Variants in MAP3K5 observed in about 807,000 individuals in gnomAD.
MAP3K5 encodes the protein mitogen-activated protein kinase kinase kinase 5.
In MAP3K5, 56 loss-of-function variants were observed where a neutral mutation model predicts 158.7. The observed-to-expected ratio is 0.35, with a 90% CI of 0.28 to 0.44. The LOEUF is 0.44. MAP3K5 is among the 20% of genes least tolerant of loss of function. MAP3K5 has a pLI of 1.00. For missense variants in MAP3K5, 1,294 were observed against 1,674.8 expected, an observed-to-expected ratio of 0.77 and a Z score of 3.97; for synonymous variants, 579 against 601.7, an observed-to-expected ratio of 0.96 and a Z score of 0.55.
intron 1 of MAP3K5, among the ~76,000 whole-genome samples, chr6:136,727,581 T>C (rs936388777): frequency 2.6e-5 from 4 of 152,236 alleles, no homozygotes; most frequent in Non-Finnish European, 5.9e-5. Context: ...AGTCTTATTG[T>C]ATATTTCATG....
chr6:136,658,658 GTTTCCACCTCTC>G (rs1778873190), intron 9 of MAP3K5, among the ~76,000 whole-genome samples: 1 of 152,076 alleles, frequency 6.6e-6, no homozygotes, highest in African/African-American at 2.4e-5. Flanking sequence ...ATGGAATTTT[GTTTCCACCTCTC>G]CAATTACCAC....
chr6:136,600,960 CTG>C, intron 21 of MAP3K5, 60 bp downstream of exon 21: 2 of 1,568,092 alleles, frequency 1.3e-6, no homozygotes, highest in Non-Finnish European at 1.8e-6. Flanking sequence ...GATGGGAAGT[CTG>C]GAGTTTATCA....
chr6:136,604,545 A>G (rs1406378380), intron 19 of MAP3K5, among the ~76,000 whole-genome samples: 1 of 152,010 alleles, frequency 6.6e-6, no homozygotes, highest in East Asian at 1.9e-4. Flanking sequence ...GCAGCGGAGG[A>G]CTGCAGGGAT....
intron 1 of MAP3K5, among the ~76,000 whole-genome samples, chr6:136,725,544 T>C (rs1055552133): frequency 1.3e-5 from 2 of 152,250 alleles, no homozygotes; most frequent in Non-Finnish European, 2.9e-5. Context: ...TAAAAATTAT[T>C]GTTGAGTTTG....
At chr6:136,691,279 T>C (rs903891212) in intron 7 of MAP3K5, among the ~76,000 whole-genome samples, 2 of 152,144 alleles carry the variant, frequency 1.3e-5, no homozygotes, top group Non-Finnish European at 2.9e-5. Context: ...CCTGCAACAG[T>C]ATATCTCTCC....
intron 1 of MAP3K5, among the ~76,000 whole-genome samples, chr6:136,782,545 C>A (rs545651508): frequency 7.2e-5 from 11 of 152,182 alleles, no homozygotes; most frequent in African/African-American, 2.6e-4. Context: ...TGGAGATTGC[C>A]AGTACAAAGG....
At chr6:136,598,839 T>C (rs1775746497) in intron 21 of MAP3K5, among the ~76,000 whole-genome samples, 1 of 152,134 alleles carries the variant, frequency 6.6e-6, no homozygotes, top group Non-Finnish European at 1.5e-5. Context: ...TTGTTTCAAT[T>C]GACATGAGGC....
At chr6:136,727,438 A>G (rs896917835) in intron 1 of MAP3K5, among the ~76,000 whole-genome samples, 1 of 152,168 alleles carries the variant, frequency 6.6e-6, no homozygotes, top group African/African-American at 2.4e-5. Context: ...ATTCAAACCC[A>G]AGCAATCCAG....
chr6:136,780,059 T>C (rs931776074), intron 1 of MAP3K5, among the ~76,000 whole-genome samples: 3 of 152,154 alleles, frequency 2.0e-5, no homozygotes, highest in African/African-American at 7.2e-5. Context: ...TGTCAAAGAC[T>C]TGGAAAAGGT....
chr6:136,709,112 A>C (rs17710372), intron 2 of MAP3K5, among the ~76,000 whole-genome samples: 64,887 of 151,960 alleles, frequency 0.43, 15,013 homozygotes, highest in Non-Finnish European at 0.52. Context: ...TACATTGCAC[A>C]TTTTTGTTCC....
At chr6:136,576,667 C>A (rs1272594041) in intron 25 of MAP3K5, among the ~76,000 whole-genome samples, 1 of 152,066 alleles carries the variant, frequency 6.6e-6, no homozygotes, top group East Asian at 1.9e-4. Flanking sequence ...TCCAAGGAAA[C>A]CCAATTCCTT....
intron 1 of MAP3K5, among the ~76,000 whole-genome samples, chr6:136,775,024 G>T (rs1456259197): frequency 6.6e-6 from 1 of 152,078 alleles, no homozygotes; most frequent in Non-Finnish European, 1.5e-5. Context: ...AGCATGATTT[G>T]AATACTGAAT....
intron 1 of MAP3K5, among the ~76,000 whole-genome samples, chr6:136,752,480 T>C (rs574016903): frequency 6.6e-5 from 10 of 152,176 alleles, no homozygotes; most frequent in Non-Finnish European, 1.3e-4. Flanking sequence ...GGCGTGATCT[T>C]GGCTCACTGC....
intron 14 of MAP3K5, among the ~76,000 whole-genome samples, chr6:136,633,425 G>GTATA (rs139665870): frequency 1.2e-3 from 175 of 147,364 alleles, no homozygotes; most frequent in African/African-American, 2.0e-3. Context: ...ATAAATATAT[G>GTATA]TATATATATA....
intron 2 of MAP3K5, among the ~76,000 whole-genome samples, chr6:136,706,098 C>A (rs1443475724): frequency 2.0e-5 from 3 of 151,914 alleles, no homozygotes; most frequent in African/African-American, 7.3e-5. Context: ...TCTCTACTAA[C>A]AATACAAAAA....
chr6:136,792,047 C>A lies in MAP3K5; in HGVS notation c.111G>T (p.Ala37=), dbSNP rs1333437631. The A allele has an allele frequency of 1.3e-6, 2 of 1,546,262 alleles. No homozygotes were observed. The highest frequency in any genetic ancestry group is 8.7e-7 in the Non-Finnish European group (1 of 1,154,328). The change falls in exon 1 of 30, where the codon GCG becomes GCT. Residue 37 remains alanine, a synonymous_variant. Coordinates refer to ENST00000359015, the MANE Select transcript of MAP3K5 (RefSeq NM_005923.4). This position sits in a 1 kb window ranked among gnomAD's most constrained non-coding sequence, Gnocchi z 5.7. The part of the protein sequence containing the change: ...GGICRRGGAA[A]VGEGEEHQLP... ...GCTGGTGCTCCTCGCCCTCGCCCAC[C>A]GCCGCCGCTCCTCCCCTCCTGCAGA...
At chr6:136,644,180 A>C (rs963221417) in intron 11 of MAP3K5, among the ~76,000 whole-genome samples, 3 of 152,166 alleles carry the variant, frequency 2.0e-5, no homozygotes, top group Non-Finnish European at 4.4e-5. Context: ...TTTTGTAGGA[A>C]AGGAGGGGAG....
At chr6:136,707,653 C>G (rs966950136) in intron 2 of MAP3K5, among the ~76,000 whole-genome samples, 1 of 152,188 alleles carries the variant, frequency 6.6e-6, no homozygotes, top group Non-Finnish European at 1.5e-5. Context: ...CTATTTGGAG[C>G]CTTACTGAAG....
At chr6:136,679,742 A>T (rs1180925120) in intron 7 of MAP3K5, among the ~76,000 whole-genome samples, 1 of 152,212 alleles carries the variant, frequency 6.6e-6, no homozygotes, top group Non-Finnish European at 1.5e-5. Flanking sequence ...TAATTGATGA[A>T]ATATCATGAC....
Sources: allele counts gnomAD v4.1 joint callset (sites outside exome capture counted in the v4.1 genomes callset), GRCh38; gene constraint gnomAD v4.1.1; non-coding constraint Gnocchi (gnomAD v3.1); transcripts MANE v1.5; gene names NCBI Gene and HGNC (gene_info 2026-07-23, HGNC 2026-07-21).